NELL2: variants seen among roughly 807,000 people sequenced by gnomAD.
The protein encoded by NELL2 is protein kinase C-binding protein NELL2.
Under a neutral mutation model 109.6 loss-of-function variants are expected in NELL2, and 41 were observed. That is an observed-to-expected ratio of 0.37 (90% CI 0.29 to 0.49). NELL2 has a LOEUF of 0.49. Among genes scored for constraint, NELL2 ranks in the 20% least tolerant of loss-of-function variants. NELL2 has a pLI of 0.98. For synonymous variants in NELL2, 355 were observed against 344.7 expected (o/e 1.03, Z -0.33); for missense variants, 900 against 1,008.3 (o/e 0.89, Z 1.45).
At chr12:44,552,111 T>C (rs987383445) in intron 15 of NELL2, among the ~76,000 whole-genome samples, 6 of 152,196 alleles carry the variant, frequency 3.9e-5, no homozygotes, top group African/African-American at 1.4e-4. Flanking sequence ...ATGTCTGGGA[T>C]GCAAAGTAAG....
At chr12:44,748,487 G>A (rs58883836) in intron 9 of NELL2, among the ~76,000 whole-genome samples, 8,133 of 152,120 alleles carry the variant, frequency 0.053, 681 homozygotes, top group African/African-American at 0.18. Flanking sequence ...TTTGTTATAT[G>A]TTAACACTTA....
intron 9 of NELL2, among the ~76,000 whole-genome samples, chr12:44,722,181 C>CT (rs112801177): frequency 0.061 from 8,899 of 146,754 alleles, 372 homozygotes; most frequent in Non-Finnish European, 0.092. Flanking sequence ...AAATAAGAAA[C>CT]TTTTTTTTTT....
At chr12:44,811,054 T>G (rs1236778890) in intron 3 of NELL2, among the ~76,000 whole-genome samples, 1 of 152,084 alleles carries the variant, frequency 6.6e-6, no homozygotes, top group Non-Finnish European at 1.5e-5. Context: ...AAAGCCATTA[T>G]TCTCAGCAAA....
chr12:44,861,281 T>C (rs954345434), intron 2 of NELL2, among the ~76,000 whole-genome samples: 1 of 152,116 alleles, frequency 6.6e-6, no homozygotes, highest in Non-Finnish European at 1.5e-5. Context: ...AAAATAGGCC[T>C]GACTCAGTAA....
At chr12:44,607,123 A>G (rs1945436026) in intron 15 of NELL2, 46 bp downstream of exon 15, 4 of 1,494,856 alleles carry the variant, frequency 2.7e-6, no homozygotes, top group Non-Finnish European at 3.7e-6. Context: ...TACTTTATGC[A>G]TTGGCATAAA....
At chr12:44,568,437 G>A (rs990718589) in intron 15 of NELL2, among the ~76,000 whole-genome samples, 1 of 152,120 alleles carries the variant, frequency 6.6e-6, no homozygotes, top group Non-Finnish European at 1.5e-5. Context: ...AAGCACAACA[G>A]TGAGAGTGTG....
intron 15 of NELL2, among the ~76,000 whole-genome samples, chr12:44,582,972 T>C (rs1944374283): frequency 6.6e-6 from 1 of 152,180 alleles, no homozygotes; most frequent in Admixed American, 6.5e-5. Flanking sequence ...CCCTTCTAAC[T>C]TCTGCCATGG....
chr12:44,785,593 C>G (rs1592529003), intron 3 of NELL2, among the ~76,000 whole-genome samples: 1 of 152,132 alleles, frequency 6.6e-6, no homozygotes, highest in African/African-American at 2.4e-5. Flanking sequence ...GCAAAAAGAA[C>G]AAAGCTGGAG....
At chr12:44,591,114 G>T (rs1944730246) in intron 15 of NELL2, among the ~76,000 whole-genome samples, 1 of 151,998 alleles carries the variant, frequency 6.6e-6, no homozygotes, top group South Asian at 2.1e-4. Context: ...TTATCAAAAA[G>T]AGAAAAAATA....
chr12:44,655,075 G>A (rs923423885), intron 13 of NELL2, among the ~76,000 whole-genome samples: 2 of 152,148 alleles, frequency 1.3e-5, no homozygotes, highest in Non-Finnish European at 2.9e-5. Context: ...CCCTAGGGGA[G>A]TTTTCAGCTA....
intron 12 of NELL2, among the ~76,000 whole-genome samples, chr12:44,694,005 T>G (rs1222474408): frequency 6.6e-6 from 1 of 152,200 alleles, no homozygotes; most frequent in Non-Finnish European, 1.5e-5. Flanking sequence ...TCATGACATT[T>G]GGAAACATCA....
intron 9 of NELL2, among the ~76,000 whole-genome samples, chr12:44,766,079 C>G (rs1159830663): frequency 3.3e-5 from 5 of 150,734 alleles, no homozygotes; most frequent in Non-Finnish European, 7.4e-5. Context: ...GAGCAAGACT[C>G]CGTATCAGAA....
At chr12:44,610,729 T>C in intron 14 of NELL2, 119 bp downstream of exon 14, 1 of 1,380,230 alleles carries the variant, frequency 7.2e-7, no homozygotes, top group Non-Finnish European at 1.0e-6. Context: ...ACACCAAAGC[T>C]TTTGATGTCT....
rs150448828 is a variant in NELL2, at chr12:44,866,263, A to T, written c.184+8962T>A. Among the ~76,000 whole-genome samples the T allele has an allele frequency of 6.6e-5, 10 of 152,366 alleles. No homozygotes were observed. In the East Asian group the frequency reaches 1.9e-3, roughly 29 times the overall value. On this transcript the variant is annotated intron_variant, in intron 2 of 19. Coordinates refer to ENST00000429094, the MANE Select transcript of NELL2 (RefSeq NM_001145108.2). ...AGATATTTTGTTGTAGTAGCCAGACAAGATTAAAGTAGATATGAAACTAGA... is the reference window on the plus strand; with the variant it reads ...AGATATTTTGTTGTAGTAGCCAGACTAGATTAAAGTAGATATGAAACTAGA...
At chr12:44,790,399 T>TA (rs1942337359) in intron 3 of NELL2, among the ~76,000 whole-genome samples, 1 of 152,122 alleles carries the variant, frequency 6.6e-6, no homozygotes, top group African/African-American at 2.4e-5. Flanking sequence ...GAAGGAAAGA[T>TA]ACAGTGTTTT....
chr12:44,581,957 C>T (rs992503284), intron 15 of NELL2, among the ~76,000 whole-genome samples: 11 of 152,108 alleles, frequency 7.2e-5, no homozygotes, highest in African/African-American at 1.7e-4. Flanking sequence ...ACTAAATAGA[C>T]ACAATAGAAT....
chr12:44,572,588 A>G (rs962829084), intron 15 of NELL2, among the ~76,000 whole-genome samples: 1 of 151,816 alleles, frequency 6.6e-6, no homozygotes, highest in Admixed American at 6.6e-5. Flanking sequence ...TTTTCTGGAC[A>G]ACAGTGTTTC....
At chr12:44,574,239 T>A (rs1269398604) in intron 15 of NELL2, among the ~76,000 whole-genome samples, 1 of 152,034 alleles carries the variant, frequency 6.6e-6, no homozygotes, top group African/African-American at 2.4e-5. Context: ...GTAGCTGGGA[T>A]TACAGGCGTG....
intron 15 of NELL2, among the ~76,000 whole-genome samples, chr12:44,562,391 G>A (rs1207458431): frequency 6.6e-6 from 1 of 152,110 alleles, no homozygotes; most frequent in African/African-American, 2.4e-5. Context: ...CCTACAGAAT[G>A]GGAGAAAATC....
Sources: allele counts gnomAD v4.1 joint callset (sites outside exome capture counted in the v4.1 genomes callset), GRCh38; gene constraint gnomAD v4.1.1; transcripts MANE v1.5; gene names NCBI Gene and HGNC (gene_info 2026-07-23, HGNC 2026-07-21).